MARCHF1: variants seen among roughly 807,000 people sequenced by gnomAD.
MARCHF1 encodes the protein E3 ubiquitin-protein ligase MARCHF1.
MARCHF1 carries 40 observed loss-of-function variants against 54.2 expected under a neutral mutation model. That is an observed-to-expected ratio of 0.74 (90% CI 0.57 to 0.96). The LOEUF (loss-of-function observed/expected upper bound fraction) is 0.96, where lower values mean the gene tolerates loss of function less well. Among genes scored for constraint, MARCHF1 ranks in the 40% least tolerant of loss-of-function variants. The pLI is 0.00. For synonymous variants in MARCHF1, 236 were observed against 236.3 expected, an observed-to-expected ratio of 1.00 and a Z score of 0.01; for missense variants, 586 against 656.5, an observed-to-expected ratio of 0.89 and a Z score of 1.17.
intron 1 of MARCHF1, among the ~76,000 whole-genome samples, chr4:164,378,606 T>A (rs929231495): frequency 4.6e-5 from 7 of 152,228 alleles, no homozygotes; most frequent in Non-Finnish European, 1.0e-4. Context: ...GTCAGCTCAG[T>A]CACTGGGTGG....
intron 1 of MARCHF1, among the ~76,000 whole-genome samples, chr4:164,281,520 G>C (rs1471084303): frequency 1.3e-5 from 2 of 152,116 alleles, no homozygotes; most frequent in Admixed American, 6.6e-5. Flanking sequence ...CCCAAAAACA[G>C]AGGTGGCTGG....
intron 2 of MARCHF1, among the ~76,000 whole-genome samples, chr4:164,011,399 T>C (rs199755486): frequency 6.7e-6 from 1 of 149,954 alleles, no homozygotes; most frequent in South Asian, 2.1e-4. Context: ...CATAATATAA[T>C]GAAAAGCTCA....
chr4:164,231,304 T>C (rs1732408315), intron 1 of MARCHF1, among the ~76,000 whole-genome samples: 1 of 152,180 alleles, frequency 6.6e-6, no homozygotes. Flanking sequence ...TATTTATTCC[T>C]GACAATCAAA....
At chr4:163,885,107 A>G (rs1056071295) in intron 3 of MARCHF1, among the ~76,000 whole-genome samples, 1 of 152,220 alleles carries the variant, frequency 6.6e-6, no homozygotes, top group South Asian at 2.1e-4. Context: ...GCATGTAACT[A>G]TAAAGAAAAC....
At position 164,345,247 on chromosome 4, in the gene MARCHF1, T is replaced by C. The variant is rs188140090; in HGVS notation, c.-323+38623A>G. 1.6e-3 allele frequency among the ~76,000 whole-genome samples: 241 copies of C among 152,236 alleles called. 3 individuals are homozygous for C. Among genetic ancestry groups the C allele is most frequent in the Non-Finnish European group, 8.8e-4 (60 of 68,000 alleles). On this transcript the variant is annotated intron_variant, in intron 1 of 9. Transcript: ENST00000514618. The stretch of plus-strand genomic sequence containing the variant: ...CATTACGATGTACTCCATGAATATG[T>C]ACAACTATTGTTTGTCAATTAAAAA...
At chr4:163,933,006 C>T (rs1751713793) in intron 3 of MARCHF1, 3 of 1,016,246 alleles carry the variant, frequency 3.0e-6, no homozygotes, top group Admixed American at 1.9e-5. Context: ...ACAATCCACA[C>T]ATCCAATCTG....
chr4:163,892,367 A>T (rs1750679247), intron 3 of MARCHF1, among the ~76,000 whole-genome samples: 1 of 152,048 alleles, frequency 6.6e-6, no homozygotes, highest in South Asian at 2.1e-4. Flanking sequence ...GCTCTGTTTG[A>T]AGCGGAAGAA....
At chr4:163,788,096 G>C (rs1747671178) in intron 4 of MARCHF1, among the ~76,000 whole-genome samples, 1 of 151,870 alleles carries the variant, frequency 6.6e-6, no homozygotes, top group African/African-American at 2.4e-5. Context: ...AGTTTAATGG[G>C]AATAGATTTT....
chr4:163,735,318 G>T (rs1021367423), intron 4 of MARCHF1, among the ~76,000 whole-genome samples: 2 of 152,074 alleles, frequency 1.3e-5, no homozygotes, highest in Non-Finnish European at 2.9e-5. Context: ...ATTAGAATGT[G>T]AGAGCCATGG....
intron 1 of MARCHF1, among the ~76,000 whole-genome samples, chr4:164,186,875 T>A (rs923216962): frequency 6.6e-6 from 1 of 152,178 alleles, no homozygotes; most frequent in Non-Finnish European, 1.5e-5. Context: ...TAGAGAGGAA[T>A]GTAACCAAAG....
chr4:163,738,080 T>C (rs1478356243), intron 4 of MARCHF1, among the ~76,000 whole-genome samples: 2 of 152,226 alleles, frequency 1.3e-5, no homozygotes, highest in Non-Finnish European at 2.9e-5. Flanking sequence ...TATGCTCTTC[T>C]GAAATCGGCA....
At chr4:164,101,513 A>C (rs9760678) in intron 2 of MARCHF1, among the ~76,000 whole-genome samples, 94,631 of 115,596 alleles carry the variant, frequency 0.82, 39,599 homozygotes, top group Non-Finnish European at 0.88. Context: ...ACTGACACCT[A>C]ACATGGCAGG....
At chr4:164,342,055 C>T (rs932374981) in intron 1 of MARCHF1, among the ~76,000 whole-genome samples, 4 of 152,026 alleles carry the variant, frequency 2.6e-5, no homozygotes, top group Admixed American at 6.6e-5. Flanking sequence ...AACCCCGTAT[C>T]CACTAAAACT....
intron 4 of MARCHF1, among the ~76,000 whole-genome samples, chr4:163,747,585 G>A (rs1332480556): frequency 6.6e-6 from 1 of 152,112 alleles, no homozygotes; most frequent in African/African-American, 2.4e-5. Flanking sequence ...GAATATATAA[G>A]TCAAGAAGGA....
chr4:164,050,094 G>A (rs918443082), intron 2 of MARCHF1, among the ~76,000 whole-genome samples: 7 of 151,806 alleles, frequency 4.6e-5, no homozygotes, highest in Non-Finnish European at 8.8e-5. Context: ...GGCCAACATG[G>A]TAAAGCCCTA....
intron 1 of MARCHF1, among the ~76,000 whole-genome samples, chr4:164,349,846 C>A (rs1730227266): frequency 6.6e-6 from 1 of 152,036 alleles, no homozygotes; most frequent in Non-Finnish European, 1.5e-5. Flanking sequence ...TCAAATTGTT[C>A]AAAAGTTGTC....
Position 163,943,408 on chromosome 4 carries a change from C to T in MARCHF1, c.-39+45093G>A, listed in dbSNP as rs530125799. ...TCCAGTATCAGTCTTCTGTGTATGGCTAGCCAGTTGTCCCAGCAACATCTA... is the reference window on the plus strand; with the variant it reads ...TCCAGTATCAGTCTTCTGTGTATGGTTAGCCAGTTGTCCCAGCAACATCTA... On this transcript the variant is annotated intron_variant, in intron 3 of 9. Transcript: ENST00000514618. Among the ~76,000 whole-genome samples the T allele has an allele frequency of 6.8e-4, 103 of 152,248 alleles. 1 individual carries two copies. The highest frequency in any genetic ancestry group is 2.4e-3 in the African/African-American group (98 of 41,542).
intron 3 of MARCHF1, among the ~76,000 whole-genome samples, chr4:163,874,039 CTCTAAG>C (rs1241045742): frequency 6.6e-6 from 1 of 152,104 alleles, no homozygotes; most frequent in Non-Finnish European, 1.5e-5. Context: ...AAGCATTCTC[CTCTAAG>C]TCTAAGATAT....
chr4:163,994,509 T>C (rs1023004516), intron 2 of MARCHF1, among the ~76,000 whole-genome samples: 4 of 151,888 alleles, frequency 2.6e-5, no homozygotes, highest in Admixed American at 2.0e-4. Context: ...ACATGGTACA[T>C]GTATACATAT....
Sources: gnomAD v4.1 joint callset for allele counts (sites outside exome capture counted in the v4.1 genomes callset) on GRCh38, gnomAD v4.1.1 for gene constraint, MANE v1.5 for transcripts, NCBI Gene and HGNC (gene_info 2026-07-23, HGNC 2026-07-21) for gene names.